Variants in ZFPM2 observed in about 807,000 individuals in gnomAD.
ZFPM2 encodes zinc finger protein, FOG family member 2.
ZFPM2 carries 20 observed loss-of-function variants against 98.6 expected under a neutral mutation model. The ratio of observed to expected loss-of-function variants is 0.20; its 90% CI spans 0.14 to 0.29. ZFPM2 has a LOEUF of 0.29. ZFPM2 is among the 10% of genes least tolerant of loss of function. The pLI is 1.00. For missense variants in ZFPM2, 1,310 were observed against 1,388.6 expected (o/e 0.94, Z 0.90); for synonymous variants, 518 against 502.7 (o/e 1.03, Z -0.41).
intron 4 of ZFPM2, among the ~76,000 whole-genome samples, chr8:105,565,901 A>G (rs1181910896): frequency 1.3e-5 from 2 of 152,162 alleles, no homozygotes; most frequent in East Asian, 3.9e-4. Flanking sequence ...GTATATAGCC[A>G]GAGATTTGTT....
chr8:105,330,635 T>TATATATATATATATAC (rs1563607098), intron 1 of ZFPM2, among the ~76,000 whole-genome samples: 31 of 91,924 alleles, frequency 3.4e-4, no homozygotes, highest in African/African-American at 1.3e-3. Flanking sequence ...TATATATACA[T>TATATATATATATATAC]ATATATATAT....
chr8:105,733,363 C>T (rs1392548134), intron 5 of ZFPM2, among the ~76,000 whole-genome samples: 2 of 151,898 alleles, frequency 1.3e-5, no homozygotes, highest in Non-Finnish European at 2.9e-5. Context: ...AAAAAAATTA[C>T]TCATTTCTGG....
At chr8:105,694,265 C>T (rs971527579) in intron 5 of ZFPM2, among the ~76,000 whole-genome samples, 1 of 151,962 alleles carries the variant, frequency 6.6e-6, no homozygotes, top group Non-Finnish European at 1.5e-5. Context: ...GGATTACAGG[C>T]CTGAGCCACC....
Position 105,527,544 on chromosome 8 carries a change from T to C in ZFPM2, c.302-33819T>C, listed in dbSNP as rs77556488. On this transcript the variant is annotated intron_variant, in intron 3 of 7. Coordinates refer to ENST00000407775, the MANE Select transcript of ZFPM2 (RefSeq NM_012082.4). ...CATGAAGCAGAGCTGAACCAATGAC[T>C]GAGTCTTATTAAAGGGGCTCCAGCC... Among the ~76,000 whole-genome samples, 632 of 152,330 alleles carry C rather than the reference T, an allele frequency of 4.1e-3. 3 individuals are homozygous for C. Among genetic ancestry groups the C allele is most frequent in the African/African-American group, 0.014 (578 of 41,582 alleles).
intron 3 of ZFPM2, among the ~76,000 whole-genome samples, chr8:105,558,477 T>A (rs1268857872): frequency 6.6e-6 from 1 of 152,176 alleles, no homozygotes; most frequent in Non-Finnish European, 1.5e-5. Context: ...TAAGAGCTTG[T>A]AAAAGTATTT....
At chr8:105,338,803 T>A (rs1277638092) in intron 1 of ZFPM2, among the ~76,000 whole-genome samples, 1 of 151,912 alleles carries the variant, frequency 6.6e-6, no homozygotes, top group Non-Finnish European at 1.5e-5. Context: ...TAAGGCATAT[T>A]GAATATACTG....
chr8:105,449,746 T>G (rs2130246796), intron 3 of ZFPM2, among the ~76,000 whole-genome samples: 1 of 152,136 alleles, frequency 6.6e-6, no homozygotes, highest in Non-Finnish European at 1.5e-5. Context: ...GTTTGTAAAA[T>G]AGGGCTAATA....
chr8:105,487,908 A>C (rs940504560), intron 3 of ZFPM2, among the ~76,000 whole-genome samples: 1 of 79,430 alleles, frequency 1.3e-5, no homozygotes, highest in Non-Finnish European at 3.0e-5. Flanking sequence ...CTATCTATCT[A>C]TCTATCTATC....
intron 5 of ZFPM2, among the ~76,000 whole-genome samples, chr8:105,778,347 G>A (rs1465052025): frequency 6.6e-6 from 1 of 151,734 alleles, no homozygotes; most frequent in African/African-American, 2.4e-5. Flanking sequence ...AGATTTCAGA[G>A]GGAGGTATCA....
At chr8:105,556,844 T>TC (rs1265189242) in intron 3 of ZFPM2, among the ~76,000 whole-genome samples, 1 of 151,482 alleles carries the variant, frequency 6.6e-6, no homozygotes, top group Non-Finnish European at 1.5e-5. Flanking sequence ...TGCCTCAGCC[T>TC]CCCGAGTAGT....
chr8:105,444,131 AAT>A, intron 2 of ZFPM2, 147 bp from the exon 3 acceptor site: 1 of 614,592 alleles, frequency 1.6e-6, no homozygotes, highest in African/African-American at 1.9e-5. Flanking sequence ...TAGATATCAA[AAT>A]AGTCATGAAC....
chr8:105,582,483 T>A (rs1815622964), intron 4 of ZFPM2, among the ~76,000 whole-genome samples: 1 of 152,200 alleles, frequency 6.6e-6, no homozygotes, highest in African/African-American at 2.4e-5. Flanking sequence ...AGGATGGCTC[T>A]CTACAGTAAA....
chr8:105,497,753 G>T (rs1021303625), intron 3 of ZFPM2, among the ~76,000 whole-genome samples: 1 of 152,152 alleles, frequency 6.6e-6, no homozygotes, highest in African/African-American at 2.4e-5. Context: ...ATAGGCGGTA[G>T]TGAGAAGAAC....
intron 5 of ZFPM2, among the ~76,000 whole-genome samples, chr8:105,730,952 C>T (rs1811920715): frequency 6.6e-6 from 1 of 151,542 alleles, no homozygotes; most frequent in Admixed American, 6.6e-5. Flanking sequence ...TAAGGACTCA[C>T]AGTCAAAGCT....
intron 5 of ZFPM2, among the ~76,000 whole-genome samples, chr8:105,661,259 TGAG>T (rs1253287913): frequency 6.6e-6 from 1 of 151,944 alleles, no homozygotes; most frequent in Non-Finnish European, 1.5e-5. Context: ...TAAAAGAAAA[TGAG>T]GAAGCAAAAT....
chr8:105,467,827 A>G (rs1470126055), intron 3 of ZFPM2, among the ~76,000 whole-genome samples: 1 of 152,050 alleles, frequency 6.6e-6, no homozygotes, highest in Non-Finnish European at 1.5e-5. Flanking sequence ...CCAGTCTCCA[A>G]GTCTCTTTAC....
chr8:105,532,420 G>GA (rs1321417952), intron 3 of ZFPM2, among the ~76,000 whole-genome samples: 1 of 152,128 alleles, frequency 6.6e-6, no homozygotes, highest in Non-Finnish European at 1.5e-5. Flanking sequence ...TAGTAATATA[G>GA]AAGGTCAGAT....
rs372775117 is a variant in ZFPM2, at chr8:105,803,300, A to T, written c.3218A>T (p.His1073Leu). Residue 1073 changes from histidine (H) to leucine (L), a missense_variant, in exon 8 of 8, where the codon CAC becomes CTC. Transcript: ENST00000407775. The part of the protein sequence containing the change: ...ISQNPQHEDD[H>L]KSPSWISENP... ...CAGAATCCTCAGCACGAAGACGACC[A>T]CAAATCTCCCTCGTGGATCTCTGAG... The T allele has an allele frequency of 6.3e-6, 10 of 1,595,188 alleles. No homozygotes were observed. The Admixed American group carries it at 8.6e-5, about 14-fold the overall frequency.
rs751409602 is a variant in ZFPM2, at chr8:105,527,663, G to A, written c.302-33700G>A. On this transcript the variant is annotated intron_variant, in intron 3 of 7. Transcript: ENST00000407775. ...AACTGGGATTTTAGGGAGGCAGAGC[G>A]GGTTCTGAGACATATGCTGGACTTT... is the stretch of plus-strand genomic sequence containing the variant. 7.2e-5 allele frequency among the ~76,000 whole-genome samples: 11 copies of A among 152,162 alleles called. No individual in the cohort carries two copies. The South Asian group carries it at 1.9e-3, about 26-fold the overall frequency.
Sources: gnomAD v4.1 joint callset for allele counts (sites outside exome capture counted in the v4.1 genomes callset) on GRCh38, gnomAD v4.1.1 for gene constraint, MANE v1.5 for transcripts, NCBI Gene and HGNC (gene_info 2026-07-23, HGNC 2026-07-21) for gene names.